Variants in CPM observed in about 807,000 individuals in gnomAD.
CPM encodes the protein carboxypeptidase M, also known as renal carboxypeptidase.
In CPM, 35 loss-of-function variants were observed where a neutral mutation model predicts 46.4. The ratio of observed to expected loss-of-function variants is 0.75; its 90% CI spans 0.58 to 1.00. CPM has a LOEUF of 1.00. Ranked by LOEUF, CPM falls within the 50% of genes least tolerant of loss-of-function variation. The probability of loss-of-function intolerance (pLI) is 0.00; values close to 1 mark genes in which losing one functional copy is unlikely to be tolerated. For missense variants in CPM, 422 were observed against 530.4 expected, an observed-to-expected ratio of 0.80 and a Z score of 2.01; for synonymous variants, 195 against 195.3, an observed-to-expected ratio of 1.00 and a Z score of 0.01.
At chr12:68,875,525 G>T (rs1282671718) in intron 3 of CPM, among the ~76,000 whole-genome samples, 2 of 151,852 alleles carry the variant, frequency 1.3e-5, no homozygotes, top group Admixed American at 6.6e-5. Flanking sequence ...TGATCATCAA[G>T]CTGGGCGCGG....
rs34150942 is a variant in CPM at position 68,873,667 on chromosome 12, CAAA to C, written c.259-1714_259-1712del. On this transcript the variant is annotated intron_variant, in intron 3 of 8. Transcript: ENST00000551568. ...TGGGTGACAGAGTGAGACCCTGTCT[CAAA>C]AAAAAAAAAAAAAAAGAAAGAAAGA... Among the ~76,000 whole-genome samples, 27 of 69,236 alleles carry C rather than the reference CAAA, an allele frequency of 3.9e-4. No individual in the cohort carries two copies. The South Asian group carries it at 5.2e-3, about 13-fold the overall frequency. The allele number at this position is 69,236 out of a possible 152,430, so 45.4% of individuals were successfully genotyped here.
intron 3 of CPM, among the ~76,000 whole-genome samples, chr12:68,881,033 C>A (rs758987951): frequency 8.5e-5 from 13 of 152,152 alleles, no homozygotes; most frequent in Non-Finnish European, 1.6e-4. Flanking sequence ...TTTAACTTTA[C>A]TTATTTTGTA....
In CPM at chr12:68,859,085, ATAAAAT is replaced by A. The variant is rs1047725063; in HGVS notation, c.941-20_941-15del. ...GACCCTTTACACCTGCAAGACAAAA[ATAAAAT>A]TAAATATTAATACCATATTTTATGG... On this transcript the variant is annotated splice_polypyrimidine_tract_variant and intron_variant, in intron 7 of 8. Transcript: ENST00000551568. The A allele has an allele frequency of 5.7e-6, 8 of 1,405,542 alleles. No individual in the cohort carries two copies. The African/African-American group carries it at 8.9e-5, about 16-fold the overall frequency. 87.1% of individuals were successfully genotyped at this position (1,405,542 alleles called of 1,614,324 possible).
At chr12:68,948,137 T>C (rs1169922160) in intron 1 of CPM, among the ~76,000 whole-genome samples, 2 of 152,172 alleles carry the variant, frequency 1.3e-5, no homozygotes, top group African/African-American at 4.8e-5. Context: ...ACAGAAACAC[T>C]GAAGCTTAAG....
downstream of CPM, chr12:68,848,619 T>A (rs1423609981): frequency 6.6e-6 from 1 of 152,176 alleles, no homozygotes; most frequent in East Asian, 1.9e-4. Flanking sequence ...TTAGAAAAAA[T>A]TGCTCCCTAC....
intron 1 of CPM, among the ~76,000 whole-genome samples, chr12:68,952,108 G>A (rs1888944745): frequency 6.6e-6 from 1 of 152,188 alleles, no homozygotes; most frequent in African/African-American, 2.4e-5. Context: ...GTGATAATAA[G>A]GGTATATCCT....
At chr12:68,847,632 T>A (rs556847292), downstream of CPM, 3 of 151,448 alleles carry the variant, frequency 2.0e-5, no homozygotes, top group African/African-American at 7.3e-5. Flanking sequence ...TTTTTGTATT[T>A]TTAGTAGAGA....
chr12:68,947,550 T>C lies in CPM; in HGVS notation c.-3-14710A>G, dbSNP rs1189659056. Among the ~76,000 whole-genome samples, 12 of 151,262 alleles carry C rather than the reference T, an allele frequency of 7.9e-5. No homozygotes were observed. In the East Asian group the frequency reaches 2.2e-3, roughly 27 times the overall value. On this transcript the variant is annotated intron_variant, in intron 1 of 8. Coordinates refer to the CPM transcript ENST00000546373. ...AGGCGGAGCTTGCAGTGAGCTGAGA[T>C]CGCGCCATTGCACTCCAGCCTGGGC...
At chr12:68,873,887 C>T (rs1202459196) in intron 3 of CPM, among the ~76,000 whole-genome samples, 4 of 151,886 alleles carry the variant, frequency 2.6e-5, no homozygotes, top group Admixed American at 1.3e-4. Flanking sequence ...CTCACTACAA[C>T]CTCCGTCTCC....
intron 8 of CPM, among the ~76,000 whole-genome samples, chr12:68,857,172 T>C (rs985989782): frequency 2.0e-5 from 3 of 151,780 alleles, no homozygotes; most frequent in Admixed American, 6.6e-5. Context: ...TTTCTTTTTT[T>C]TTTTTTGAGA....
chr12:68,897,586 A>G (rs2136273462), intron 2 of CPM, among the ~76,000 whole-genome samples: 1 of 152,102 alleles, frequency 6.6e-6, no homozygotes, highest in South Asian at 2.1e-4. Context: ...AGTTACAAAA[A>G]ATTAGCCGGG....
At chr12:68,927,318 T>A (rs1322846886) in intron 2 of CPM, among the ~76,000 whole-genome samples, 8 of 151,644 alleles carry the variant, frequency 5.3e-5, no homozygotes, top group African/African-American at 1.9e-4. Flanking sequence ...TGGCCAGTGA[T>A]GGTGAGCATT....
chr12:68,873,104 ATGT>A (rs1885782483), intron 3 of CPM, among the ~76,000 whole-genome samples: 1 of 152,210 alleles, frequency 6.6e-6, no homozygotes, highest in South Asian at 2.1e-4. Context: ...AGAAGAACAG[ATGT>A]TGTTGAGGGG....
intron 6 of CPM, among the ~76,000 whole-genome samples, chr12:68,868,729 G>T (rs973781873): frequency 9.2e-5 from 14 of 152,250 alleles, no homozygotes; most frequent in African/African-American, 3.4e-4. Flanking sequence ...GAGCTCTTTT[G>T]TTGAGCCCGC....
intron 7 of CPM, among the ~76,000 whole-genome samples, chr12:68,860,587 A>T (rs1485890589): frequency 6.6e-6 from 1 of 151,932 alleles, no homozygotes; most frequent in Non-Finnish European, 1.5e-5. Context: ...GAGGCACCAC[A>T]CTCAGCTTCA....
intron 5 of CPM, chr12:68,844,229 A>G (rs1884068225): frequency 4.7e-6 from 1 of 212,150 alleles, no homozygotes; most frequent in African/African-American, 2.3e-5. Context: ...AGTTGTTAAA[A>G]TAGAAATTAT....
intron 1 of CPM, among the ~76,000 whole-genome samples, chr12:68,941,708 A>G (rs990349800): frequency 6.6e-6 from 1 of 152,040 alleles, no homozygotes; most frequent in Non-Finnish European, 1.5e-5. Flanking sequence ...GATTCTTTCT[A>G]TTGTCTGCTG....
At chr12:68,871,607 C>T in intron 4 of CPM, 177 bp downstream of exon 4, 1 of 658,410 alleles carries the variant, frequency 1.5e-6, no homozygotes, top group South Asian at 2.1e-5. Flanking sequence ...ATTTGCATTT[C>T]TTCCTGCAAG....
At chr12:68,869,899 T>C (rs922634954) in intron 5 of CPM, among the ~76,000 whole-genome samples, 4 of 152,130 alleles carry the variant, frequency 2.6e-5, no homozygotes, top group African/African-American at 7.2e-5. Flanking sequence ...AAGTGAGTTG[T>C]TCCAGTTTTA....
Sources: gnomAD v4.1 joint callset for allele counts (sites outside exome capture counted in the v4.1 genomes callset) on GRCh38, gnomAD v4.1.1 for gene constraint, MANE v1.5 for transcripts, NCBI Gene and HGNC (gene_info 2026-07-23, HGNC 2026-07-21) for gene names.